Variants in MACROD2 observed in about 807,000 individuals in gnomAD.
MACROD2 encodes the protein mono-ADP ribosylhydrolase 2, also known as ADP-ribose glycohydrolase MACROD2.
Under a neutral mutation model 70.4 loss-of-function variants are expected in MACROD2, and 36 were observed. The ratio of observed to expected loss-of-function variants is 0.51; its 90% CI spans 0.39 to 0.68. The LOEUF is 0.68. Ranked by LOEUF, MACROD2 falls within the 30% of genes least tolerant of loss-of-function variation. The pLI is 0.00. For synonymous variants in MACROD2, 172 were observed against 178.8 expected (o/e 0.96, Z 0.30); for missense variants, 496 against 538.4 (o/e 0.92, Z 0.78).
At chr20:15,699,750 TC>T (rs1255497455) in intron 8 of MACROD2, among the ~76,000 whole-genome samples, 3 of 152,174 alleles carry the variant, frequency 2.0e-5, no homozygotes, top group Admixed American at 6.5e-5. Flanking sequence ...ATTTGTGCCC[TC>T]CCCTGAGTTC....
intron 3 of MACROD2, among the ~76,000 whole-genome samples, chr20:14,134,476 A>G (rs796407215): frequency 2.0e-5 from 3 of 152,324 alleles, no homozygotes; most frequent in African/African-American, 7.2e-5. Flanking sequence ...TTATTTAACT[A>G]GAGTCTGGTC....
chr20:14,603,118 T>A (rs535716905), intron 4 of MACROD2, among the ~76,000 whole-genome samples: 1 of 152,342 alleles, frequency 6.6e-6, no homozygotes, highest in South Asian at 2.1e-4. Flanking sequence ...TTGGTTTTTT[T>A]AAGAGACTGT....
intron 15 of MACROD2, among the ~76,000 whole-genome samples, chr20:16,019,014 C>G (rs925488167): frequency 6.6e-6 from 1 of 152,176 alleles, no homozygotes; most frequent in Non-Finnish European, 1.5e-5. Flanking sequence ...TTTTTCTACT[C>G]TCCCCAATAA....
intron 3 of MACROD2, among the ~76,000 whole-genome samples, chr20:14,143,182 T>C (rs1207563372): frequency 6.6e-6 from 1 of 152,222 alleles, no homozygotes; most frequent in African/African-American, 2.4e-5. Flanking sequence ...TTGTACATTG[T>C]TTTCAATATA....
intron 3 of MACROD2, among the ~76,000 whole-genome samples, chr20:14,477,289 C>T (rs2084605750): frequency 6.6e-6 from 1 of 152,128 alleles, no homozygotes; most frequent in Non-Finnish European, 1.5e-5. Context: ...TGTGATGACT[C>T]TCTGGGCACT....
chr20:15,159,695 T>C (rs1260088279), intron 5 of MACROD2, among the ~76,000 whole-genome samples: 1 of 151,900 alleles, frequency 6.6e-6, no homozygotes, highest in African/African-American at 2.4e-5. Flanking sequence ...GCAGTCTAGT[T>C]CCCTTATCCT....
chr20:15,481,776 G>T lies in MACROD2; in HGVS notation c.572-17998G>T, dbSNP rs77796297. On this transcript the variant is annotated intron_variant, in intron 7 of 17. Coordinates refer to ENST00000684519, the MANE Select transcript of MACROD2 (RefSeq NM_001351661.2). ...AAGCTACACAGGTGCTGAAGGAATT[G>T]CCTGCAGTTAAGAGAGAAGGTGACT... Among the ~76,000 whole-genome samples the T allele has an allele frequency of 7.2e-3, 1,091 of 152,230 alleles. 14 individuals are homozygous for T. Among genetic ancestry groups the T allele is most frequent in the African/African-American group, 0.025 (1,023 of 41,540 alleles).
intron 5 of MACROD2, among the ~76,000 whole-genome samples, chr20:14,861,262 C>T (rs955810528): frequency 4.6e-5 from 7 of 152,018 alleles, no homozygotes; most frequent in Non-Finnish European, 1.0e-4. Context: ...TTAATGGAGC[C>T]CAGTGAGCTC....
chr20:14,080,148 A>C (rs979998734), intron 2 of MACROD2, among the ~76,000 whole-genome samples: 2 of 152,144 alleles, frequency 1.3e-5, no homozygotes, highest in African/African-American at 4.8e-5. Flanking sequence ...AGGCTTTTAG[A>C]AGCCTAATAT....
intron 13 of MACROD2, among the ~76,000 whole-genome samples, chr20:15,968,568 T>TCAAA (rs1364848812): frequency 7.9e-5 from 12 of 151,804 alleles, no homozygotes; most frequent in Non-Finnish European, 1.6e-4. Flanking sequence ...AATTGTTCTA[T>TCAAA]CAAATAATTT....
At chr20:15,041,447 C>T (rs997165008) in intron 5 of MACROD2, among the ~76,000 whole-genome samples, 2 of 151,974 alleles carry the variant, frequency 1.3e-5, no homozygotes, top group African/African-American at 2.4e-5. Context: ...TTCTCTCTCT[C>T]TCTCTCTTAC....
intron 4 of MACROD2, among the ~76,000 whole-genome samples, chr20:14,532,866 G>A (rs1174049271): frequency 6.6e-6 from 1 of 152,164 alleles, no homozygotes; most frequent in Non-Finnish European, 1.5e-5. Context: ...CTTTGTAGTA[G>A]AAATTATGGA....
intron 4 of MACROD2, among the ~76,000 whole-genome samples, chr20:14,555,323 T>C (rs907613278): frequency 1.8e-4 from 28 of 152,168 alleles, no homozygotes; most frequent in Middle Eastern, 3.4e-3. Context: ...ATATATTCTT[T>C]TAAAATTCTA....
At chr20:15,563,658 A>G (rs1215023497) in intron 8 of MACROD2, among the ~76,000 whole-genome samples, 1 of 152,226 alleles carries the variant, frequency 6.6e-6, no homozygotes, top group African/African-American at 2.4e-5. Context: ...AGCAGAATAA[A>G]TGAGTTAACA....
chr20:15,184,373 A>G (rs2076520824), intron 5 of MACROD2, among the ~76,000 whole-genome samples: 1 of 151,206 alleles, frequency 6.6e-6, no homozygotes, highest in Non-Finnish European at 1.5e-5. Flanking sequence ...TTACCTATCA[A>G]TATTTTACCC....
At chr20:14,811,923 A>C (rs1203740094) in intron 5 of MACROD2, among the ~76,000 whole-genome samples, 1 of 152,058 alleles carries the variant, frequency 6.6e-6, no homozygotes, top group East Asian at 1.9e-4. Flanking sequence ...AAAAGTCAGG[A>C]AACAACAGAT....
At chr20:14,685,657 G>A (rs918079867) in intron 5 of MACROD2, among the ~76,000 whole-genome samples, 1 of 152,176 alleles carries the variant, frequency 6.6e-6, no homozygotes, top group Non-Finnish European at 1.5e-5. Context: ...TTTTTATCCT[G>A]TAATCTTCAG....
At chr20:14,044,170 C>T (rs150930653) in intron 2 of MACROD2, among the ~76,000 whole-genome samples, 268 of 151,978 alleles carry the variant, frequency 1.8e-3, no homozygotes, top group African/African-American at 6.1e-3. Context: ...CTGGTGGGTT[C>T]GTGGTCTCAC....
chr20:15,938,445 C>T (rs534404516), intron 12 of MACROD2, among the ~76,000 whole-genome samples: 70 of 152,136 alleles, frequency 4.6e-4, no homozygotes, highest in Admixed American at 3.4e-3. Context: ...TACTATTATT[C>T]TGTCTGTAAT....
Sources: gnomAD v4.1 joint callset for allele counts (sites outside exome capture counted in the v4.1 genomes callset) on GRCh38, gnomAD v4.1.1 for gene constraint, MANE v1.5 for transcripts, NCBI Gene and HGNC (gene_info 2026-07-23, HGNC 2026-07-21) for gene names.